Variants in MED15 observed in about 807,000 individuals in gnomAD.
MED15 encodes mediator of RNA polymerase II transcription subunit 15.
MED15 carries 41 observed loss-of-function variants against 118.7 expected under a neutral mutation model. The ratio of observed to expected loss-of-function variants is 0.35; its 90% CI spans 0.27 to 0.45. MED15 has a LOEUF of 0.45. Ranked by LOEUF, MED15 falls within the 20% of genes least tolerant of loss-of-function variation. MED15 has a pLI of 1.00. For missense variants in MED15, 740 were observed against 1,025.5 expected, an observed-to-expected ratio of 0.72 and a Z score of 3.80; for synonymous variants, 436 against 413.9, an observed-to-expected ratio of 1.05 and a Z score of -0.65.
In MED15 at chr22:20,566,921, C is replaced by T; in HGVS notation, c.1041+104C>T. ...GATAGCATATCCTATTCTTCAAGTG[C>T]TGAGACTTCAGGCAGCCCCCACCCC... On this transcript the variant is annotated intron_variant, in intron 7 of 17. Transcript: ENST00000263205. 5 of 1,538,868 alleles carry T rather than the reference C, an allele frequency of 3.2e-6. No homozygotes were observed. The East Asian group carries it at 9.1e-5, about 28-fold the overall frequency.
At chr22:20,585,361 G>T (rs2057104068) in intron 16 of MED15, 94 bp downstream of exon 16, 5 of 1,500,750 alleles carry the variant, frequency 3.3e-6, no homozygotes, top group Non-Finnish European at 4.5e-6. Context: ...ACAGCGCCCA[G>T]AACCCACCCT....
intron 7 of MED15, 49 bp downstream of exon 7, chr22:20,566,866 C>T (rs372062995): frequency 1.9e-6 from 3 of 1,593,860 alleles, no homozygotes; most frequent in Admixed American, 1.7e-5. Context: ...GTGGCTCTGT[C>T]AGCAGTAGTT....
At position 20,586,552 on chromosome 22, in the gene MED15, C is replaced by G; in HGVS notation, c.2231-16C>G. 6.2e-7 allele frequency: 1 copy of G among 1,610,610 alleles called. No homozygotes were observed. The highest frequency in any genetic ancestry group is 1.1e-5 in the South Asian group (1 of 91,000). On this transcript the variant is annotated splice_polypyrimidine_tract_variant and intron_variant, in intron 17 of 17. Transcript: ENST00000263205. Reference sequence around the variant, plus strand: ...GCGCCGGCCGCCTTAGGTTCACGCCCACTGCTCTGTTGCAGACGCCAACCC... The same window carrying G: ...GCGCCGGCCGCCTTAGGTTCACGCCGACTGCTCTGTTGCAGACGCCAACCC...
At chr22:20,582,566 G>A (rs1022357163) in intron 9 of MED15, 45 bp from the exon 10 acceptor site, 40 of 1,535,290 alleles carry the variant, frequency 2.6e-5, no homozygotes, top group Non-Finnish European at 3.2e-5. Context: ...GGAGGCAGGC[G>A]GGCGGGCGTG....
chr22:20,516,341 T>TAAA (rs2054257308), intron 1 of MED15, among the ~76,000 whole-genome samples: 4 of 151,484 alleles, frequency 2.6e-5, no homozygotes, highest in Admixed American at 1.3e-4. Flanking sequence ...ATAATAATAA[T>TAAA]AAATAAGTAA....
chr22:20,564,349 A>G (rs2056354157), intron 5 of MED15, 101 bp from the exon 6 acceptor site: 5 of 1,543,516 alleles, frequency 3.2e-6, no homozygotes, highest in South Asian at 2.5e-5. Flanking sequence ...CAGCCGTGGC[A>G]GTGGGGCTTT....
At chr22:20,560,728 A>G (rs2056204904) in intron 5 of MED15, among the ~76,000 whole-genome samples, 1 of 152,200 alleles carries the variant, frequency 6.6e-6, no homozygotes, top group Non-Finnish European at 1.5e-5. Context: ...TACTTACATA[A>G]TAGATTATTT....
At chr22:20,577,897 TTC>T (rs1305252731) in intron 9 of MED15, among the ~76,000 whole-genome samples, 1 of 152,064 alleles carries the variant, frequency 6.6e-6, no homozygotes, top group African/African-American at 2.4e-5. Context: ...TCTGGTTTTG[TTC>T]TGTTATTTTG....
At chr22:20,548,076 T>C (rs764490554) in intron 2 of MED15, among the ~76,000 whole-genome samples, 120 of 152,274 alleles carry the variant, frequency 7.9e-4, no homozygotes, top group Admixed American at 1.8e-3. Context: ...CTCCTGGGTG[T>C]AAGCAATACT....
chr22:20,567,551 G>C (rs1187651607), intron 7 of MED15, among the ~76,000 whole-genome samples: 2 of 152,202 alleles, frequency 1.3e-5, no homozygotes, highest in African/African-American at 4.8e-5. Context: ...AGAGTTGTGA[G>C]GAGCAGATAT....
intron 1 of MED15, among the ~76,000 whole-genome samples, chr22:20,531,217 G>A (rs1405146810): frequency 6.6e-6 from 1 of 152,100 alleles, no homozygotes; most frequent in Non-Finnish European, 1.5e-5. Flanking sequence ...CTTTATCTTA[G>A]TCTCATTCAG....
intron 5 of MED15, among the ~76,000 whole-genome samples, chr22:20,562,931 G>T: frequency 6.6e-6 from 1 of 151,930 alleles, no homozygotes; most frequent in Admixed American, 6.6e-5. Flanking sequence ...AGCTACTCGG[G>T]AGGCTGAGGC....
At chr22:20,568,027 T>TA (rs1300666350) in intron 7 of MED15, among the ~76,000 whole-genome samples, 1 of 152,160 alleles carries the variant, frequency 6.6e-6, no homozygotes, top group Non-Finnish European at 1.5e-5. Context: ...ATTTTGTAGA[T>TA]ATGGGGTTTG....
intron 1 of MED15, among the ~76,000 whole-genome samples, chr22:20,522,533 A>G (rs1049167410): frequency 2.0e-5 from 3 of 152,194 alleles, no homozygotes; most frequent in Non-Finnish European, 4.4e-5. Flanking sequence ...TGGTGATTCC[A>G]TGTGTGAATG....
intron 5 of MED15, among the ~76,000 whole-genome samples, chr22:20,563,278 C>G (rs1329610610): frequency 1.3e-5 from 2 of 152,078 alleles, no homozygotes. Flanking sequence ...TGTGGTAGCC[C>G]AAATCTACAG....
chr22:20,564,869 G>C (rs1389378411), intron 6 of MED15, among the ~76,000 whole-genome samples, 181 bp downstream of exon 6: 1 of 152,222 alleles, frequency 6.6e-6, no homozygotes, highest in African/African-American at 2.4e-5. Context: ...AGTGGCTCAT[G>C]CCTGTAATCC....
chr22:20,564,816 T>C, intron 6 of MED15, 128 bp downstream of exon 6: 1 of 1,451,384 alleles, frequency 6.9e-7, no homozygotes. Context: ...GTGCCTGCCC[T>C]TTTCCATGGG....
intron 7 of MED15, among the ~76,000 whole-genome samples, chr22:20,568,320 G>A (rs1007360435): frequency 6.6e-6 from 1 of 152,106 alleles, no homozygotes; most frequent in Non-Finnish European, 1.5e-5. Flanking sequence ...CAGTGGGAGG[G>A]CCACATTGCC....
At chr22:20,583,459 C>G in intron 13 of MED15, 66 bp downstream of exon 13, 1 of 1,572,240 alleles carries the variant, frequency 6.4e-7, no homozygotes, top group East Asian at 2.2e-5. Context: ...TGGATGGGCA[C>G]TTGGTGATGA....
Sources: allele counts gnomAD v4.1 joint callset (sites outside exome capture counted in the v4.1 genomes callset), GRCh38; gene constraint gnomAD v4.1.1; transcripts MANE v1.5; gene names NCBI Gene and HGNC (gene_info 2026-07-23, HGNC 2026-07-21).